CARF: variants seen among roughly 807,000 people sequenced by gnomAD.
CARF encodes the protein calcium-responsive transcription factor.
CARF carries 57 observed loss-of-function variants against 82.0 expected under a neutral mutation model. The ratio of observed to expected loss-of-function variants is 0.70; its 90% CI spans 0.56 to 0.87. The LOEUF (loss-of-function observed/expected upper bound fraction) is 0.87, where lower values mean the gene tolerates loss of function less well. Among genes scored for constraint, CARF ranks in the 40% least tolerant of loss-of-function variants. The pLI, the probability that CARF is intolerant of heterozygous loss-of-function variation, is 0.00. For missense variants in CARF, 771 were observed against 855.8 expected, an observed-to-expected ratio of 0.90 and a Z score of 1.24; for synonymous variants, 268 against 290.1, an observed-to-expected ratio of 0.92 and a Z score of 0.77.
At position 202,986,395 on chromosome 2, in the gene CARF, T is replaced by C. The variant is rs546645711; in HGVS notation, c.*2771T>C. 15 of 152,150 alleles carry C rather than the reference T, an allele frequency of 9.9e-5. No individual in the cohort carries two copies. The highest frequency in any genetic ancestry group is 3.4e-4 in the African/African-American group (14 of 41,464). 9.4% of individuals were successfully genotyped at this position (152,150 alleles called of 1,614,324 possible). ...AACAGCTCTACAGCAAAGTTTGACA[T>C]GTTTTTTGTGTGTGTCATGTATTGT... On this transcript the variant is annotated 3_prime_UTR_variant, in exon 17 of 17. Coordinates refer to ENST00000438828, the MANE Select transcript of CARF (RefSeq NM_024744.17).
chr2:202,961,534 G>A, intron 9 of CARF, 108 bp downstream of exon 9: 1 of 913,884 alleles, frequency 1.1e-6, no homozygotes, highest in Non-Finnish European at 1.7e-6. Flanking sequence ...GCTGACAATT[G>A]AATGCTAATT....
rs201017244 is a variant in CARF, at chr2:202,982,285, C to T, written c.1903C>T (p.Leu635Phe). The change falls in exon 16 of 17, where the codon CTT becomes TTT. Residue 635 changes from leucine (L) to phenylalanine (F), a missense_variant. Leu to Phe is a conservative substitution (Grantham distance 22, BLOSUM62 0). Transcript: ENST00000438828. ...TAGTACTGCCTCCACCATGGGTAACCTTCCAGAACCAGATCAAAATCTAGT... is the reference window on the plus strand; with the variant it reads ...TAGTACTGCCTCCACCATGGGTAACTTTCCAGAACCAGATCAAAATCTAGT... Reference protein sequence around the residue: ...NNSTASTMGNLPEPDQNLVAM... With the variant: ...NNSTASTMGNFPEPDQNLVAM... The T allele has an allele frequency of 2.8e-4, 444 of 1,614,008 alleles. No individual in the cohort carries two copies. Among genetic ancestry groups the T allele is most frequent in the Non-Finnish European group, 2.6e-4 (308 of 1,180,020 alleles).
chr2:202,972,966 G>A (rs1234397655), intron 12 of CARF, among the ~76,000 whole-genome samples: 1 of 152,054 alleles, frequency 6.6e-6, no homozygotes, highest in Admixed American at 6.6e-5. Flanking sequence ...AAAAGAAGCA[G>A]GGGTCTTGCT....
intron 9 of CARF, among the ~76,000 whole-genome samples, chr2:202,965,329 G>A (rs2059503834): frequency 6.6e-6 from 1 of 152,062 alleles, no homozygotes; most frequent in African/African-American, 2.4e-5. Flanking sequence ...CTCTCTGTTT[G>A]TGGTGTTCAG....
At chr2:202,931,515 G>A (rs1416932361) in intron 3 of CARF, among the ~76,000 whole-genome samples, 4 of 152,086 alleles carry the variant, frequency 2.6e-5, no homozygotes, top group Non-Finnish European at 4.4e-5. Flanking sequence ...ATGTTCCTTT[G>A]GTAGCGTCAT....
intron 2 of CARF, among the ~76,000 whole-genome samples, chr2:202,918,928 A>G (rs1445803144): frequency 6.6e-6 from 1 of 152,220 alleles, no homozygotes; most frequent in East Asian, 1.9e-4. Flanking sequence ...GCAGTAGAAA[A>G]TATAGTTATT....
At chr2:202,982,541 C>G in intron 16 of CARF, 100 bp downstream of exon 16, 1 of 1,334,642 alleles carries the variant, frequency 7.5e-7, no homozygotes, top group Non-Finnish European at 1.0e-6. Flanking sequence ...CCCAGTGGGT[C>G]TATGATATTA....
chr2:202,941,969 C>A lies in CARF; in HGVS notation c.67C>A (p.Gln23Lys). ...CGGTGAAGAGTCAAAAACCAGTGCTCAAGTATTTGAGGTATGGATTCAGCT... is the reference window on the plus strand; with the variant it reads ...CGGTGAAGAGTCAAAAACCAGTGCTAAAGTATTTGAGGTATGGATTCAGCT... Reference protein sequence around the residue: ...NDGEESKTSAQVFEHLICMDS... With the variant: ...NDGEESKTSAKVFEHLICMDS... The change falls in exon 4 of 17, where the codon CAA becomes AAA. Residue 23 changes from glutamine (Q) to lysine (K), a missense_variant. Physicochemically the swap from Gln to Lys is moderately conservative, Grantham distance 53. Coordinates refer to ENST00000438828, the MANE Select transcript of CARF (RefSeq NM_024744.17). The A allele has an allele frequency of 1.2e-6, 2 of 1,613,206 alleles. No individual in the cohort carries two copies. The highest frequency in any genetic ancestry group is 2.2e-5 in the South Asian group (2 of 91,020).
chr2:202,975,081 C>T (rs897255298), intron 13 of CARF, among the ~76,000 whole-genome samples: 4 of 151,634 alleles, frequency 2.6e-5, no homozygotes, highest in Non-Finnish European at 5.9e-5. Flanking sequence ...GAGGCCGAGG[C>T]GGGCAGATCA....
chr2:202,928,735 T>C (rs953301433), intron 3 of CARF, among the ~76,000 whole-genome samples: 9 of 152,152 alleles, frequency 5.9e-5, no homozygotes, highest in African/African-American at 2.2e-4. Flanking sequence ...TTTAAAGATA[T>C]ATACCCGTTG....
intron 12 of CARF, chr2:202,973,555 G>C: frequency 2.7e-6 from 1 of 365,888 alleles, no homozygotes; most frequent in Non-Finnish European, 5.3e-6. Flanking sequence ...ACATAACCTG[G>C]GTATAGGCCC....
At chr2:202,916,340 C>G (rs1366669081) in intron 1 of CARF, among the ~76,000 whole-genome samples, 1 of 152,012 alleles carries the variant, frequency 6.6e-6, no homozygotes, top group African/African-American at 2.4e-5. Context: ...ACCACCACAC[C>G]TAGCTAACTT....
intron 6 of CARF, among the ~76,000 whole-genome samples, chr2:202,953,690 A>G (rs1250512981): frequency 6.6e-6 from 1 of 152,022 alleles, no homozygotes; most frequent in Non-Finnish European, 1.5e-5. Context: ...AGAAAACATT[A>G]TGAGCACAGT....
chr2:202,916,363 A>C (rs1298969111), intron 1 of CARF, among the ~76,000 whole-genome samples: 1 of 151,716 alleles, frequency 6.6e-6, no homozygotes, highest in African/African-American at 2.4e-5. Flanking sequence ...TTGTATTTTT[A>C]GTAGAGATGG....
At chr2:202,927,927 T>C (rs1021950188) in intron 3 of CARF, among the ~76,000 whole-genome samples, 7 of 151,810 alleles carry the variant, frequency 4.6e-5, no homozygotes, top group Non-Finnish European at 1.5e-5. Context: ...GCCTCCTGAG[T>C]AGCTAGGACT....
chr2:202,942,465 C>G (rs913534764), intron 4 of CARF: 34 of 349,824 alleles, frequency 9.7e-5, no homozygotes, highest in Non-Finnish European at 1.3e-4. Flanking sequence ...AAGATATATT[C>G]ATAAAAATTT....
chr2:202,977,480 A>G (rs983313916), intron 14 of CARF, 148 bp downstream of exon 14: 6 of 610,212 alleles, frequency 9.8e-6, no homozygotes, highest in Non-Finnish European at 1.7e-5. Context: ...GTTTATCAAC[A>G]TACTTCCTAC....
chr2:202,917,701 A>T (rs1419128768), intron 1 of CARF, among the ~76,000 whole-genome samples, 176 bp from the exon 2 acceptor site: 1 of 152,232 alleles, frequency 6.6e-6, no homozygotes. Flanking sequence ...CCCAAGATAC[A>T]TGTAGTTACC....
intron 9 of CARF, chr2:202,963,273 A>C (rs1317616835): frequency 6.6e-6 from 1 of 151,298 alleles, no homozygotes; most frequent in African/African-American, 2.4e-5. Context: ...AGCCGAGATC[A>C]TGCCACTGCA....
Sources: gnomAD v4.1 joint callset for allele counts (sites outside exome capture counted in the v4.1 genomes callset) on GRCh38, gnomAD v4.1.1 for gene constraint, MANE v1.5 for transcripts, NCBI Gene and HGNC (gene_info 2026-07-23, HGNC 2026-07-21) for gene names.